PDE3A: variants seen among roughly 807,000 people sequenced by gnomAD.
PDE3A encodes the protein cGMP-inhibited 3',5'-cyclic phosphodiesterase 3A.
PDE3A carries 43 observed loss-of-function variants against 98.3 expected under a neutral mutation model. That is an observed-to-expected ratio of 0.44 (90% CI 0.34 to 0.56). PDE3A has a LOEUF of 0.56. Among genes scored for constraint, PDE3A ranks in the 20% least tolerant of loss-of-function variants. The pLI is 0.01. For missense variants in PDE3A, 1,427 were observed against 1,440.7 expected (o/e 0.99, Z 0.15); for synonymous variants, 663 against 567.9 (o/e 1.17, Z -2.38).
chr12:20,454,017 A>G (rs1451595550), intron 1 of PDE3A, among the ~76,000 whole-genome samples: 2 of 152,154 alleles, frequency 1.3e-5, no homozygotes, highest in African/African-American at 4.8e-5. Context: ...TTCAGAAGAA[A>G]ATTTGACATT....
At chr12:20,392,156 C>T (rs1943929028) in intron 1 of PDE3A, among the ~76,000 whole-genome samples, 1 of 151,922 alleles carries the variant, frequency 6.6e-6, no homozygotes, top group South Asian at 2.1e-4. Flanking sequence ...GTTAATACTA[C>T]ACTCCATTCA....
At chr12:20,487,223 T>C (rs1028729367) in intron 1 of PDE3A, among the ~76,000 whole-genome samples, 7 of 152,124 alleles carry the variant, frequency 4.6e-5, no homozygotes, top group African/African-American at 1.4e-4. Flanking sequence ...TTATGACTTA[T>C]ACAAATATGA....
At chr12:20,647,022 A>G (rs1213946395) in intron 12 of PDE3A, 72 bp downstream of exon 12, 1 of 1,056,610 alleles carries the variant, frequency 9.5e-7, no homozygotes, top group East Asian at 2.4e-5. Context: ...AGTGTGATTT[A>G]TAACAGGCAC....
At chr12:20,642,990 A>G (rs1405364430) in intron 10 of PDE3A, among the ~76,000 whole-genome samples, 1 of 152,170 alleles carries the variant, frequency 6.6e-6, no homozygotes, top group Non-Finnish European at 1.5e-5. Context: ...ATACCAGCTC[A>G]CTTCAACTCT....
intron 1 of PDE3A, among the ~76,000 whole-genome samples, chr12:20,442,212 T>C (rs867169786): frequency 1.3e-5 from 2 of 152,230 alleles, no homozygotes. Flanking sequence ...AATTATGTAA[T>C]GTATTTTTTA....
intron 2 of PDE3A, among the ~76,000 whole-genome samples, chr12:20,577,817 G>A (rs1442502462): frequency 6.6e-6 from 1 of 152,130 alleles, no homozygotes; most frequent in East Asian, 1.9e-4. Context: ...TACCAAACAC[G>A]GGACGGGCCA....
At chr12:20,545,690 C>A (rs1942032110) in intron 1 of PDE3A, among the ~76,000 whole-genome samples, 1 of 150,778 alleles carries the variant, frequency 6.6e-6, no homozygotes, top group African/African-American at 2.4e-5. Context: ...GAGAAAGATC[C>A]TGGAGGAAAA....
At chr12:20,474,479 A>G (rs146210099) in intron 1 of PDE3A, among the ~76,000 whole-genome samples, 97 of 152,320 alleles carry the variant, frequency 6.4e-4, no homozygotes, top group Non-Finnish European at 3.4e-4. Context: ...ATTACCGCAA[A>G]CTCAGTGGCT....
At chr12:20,644,858 CTCCCCCTCTTCCCCCTCTTCCTCT>C (rs1293376854) in intron 10 of PDE3A, among the ~76,000 whole-genome samples, 9 of 145,796 alleles carry the variant, frequency 6.2e-5, no homozygotes, top group Non-Finnish European at 1.4e-4. Context: ...CCTCCCCCTC[CTCCCCCTCTTCCCCCTCTTCCTCT>C]TCTTCCTTCT....
intron 1 of PDE3A, among the ~76,000 whole-genome samples, chr12:20,509,646 TA>T (rs1290094201): frequency 6.6e-6 from 1 of 152,152 alleles, no homozygotes; most frequent in African/African-American, 2.4e-5. Context: ...TTATAATGTC[TA>T]GCTCTGAAAT....
chr12:20,663,987 C>A (rs1945244642), intron 15 of PDE3A, among the ~76,000 whole-genome samples: 1 of 152,072 alleles, frequency 6.6e-6, no homozygotes, highest in African/African-American at 2.4e-5. Flanking sequence ...GTAATTGAAT[C>A]ATGGGGGTGG....
chr12:20,529,059 G>C (rs1244585498), intron 1 of PDE3A, among the ~76,000 whole-genome samples: 1 of 152,064 alleles, frequency 6.6e-6, no homozygotes, highest in African/African-American at 2.4e-5. Context: ...ATATGTTCTA[G>C]AATCATGAAA....
chr12:20,664,249 G>T (rs1334452393), intron 15 of PDE3A, among the ~76,000 whole-genome samples: 2 of 152,070 alleles, frequency 1.3e-5, no homozygotes, highest in African/African-American at 4.8e-5. Flanking sequence ...GCATGAGAAT[G>T]GACTAATACA....
intron 1 of PDE3A, among the ~76,000 whole-genome samples, chr12:20,444,050 A>G (rs1458335574): frequency 6.6e-6 from 1 of 152,174 alleles, no homozygotes; most frequent in East Asian, 1.9e-4. Context: ...GAGCTCTACA[A>G]TTATTGAGCA....
chr12:20,523,092 A>G (rs1327000144), intron 1 of PDE3A, among the ~76,000 whole-genome samples: 1 of 152,144 alleles, frequency 6.6e-6, no homozygotes, highest in Non-Finnish European at 1.5e-5. Flanking sequence ...GGCTAAAGAT[A>G]GTGAAAATTC....
intron 1 of PDE3A, among the ~76,000 whole-genome samples, chr12:20,409,887 A>T (rs1473727506): frequency 6.6e-6 from 1 of 152,206 alleles, no homozygotes; most frequent in African/African-American, 2.4e-5. Context: ...ACTAAAGGAA[A>T]ATTTAAATTC....
intron 6 of PDE3A, among the ~76,000 whole-genome samples, chr12:20,630,739 A>G (rs2121509742): frequency 6.6e-6 from 1 of 152,328 alleles, no homozygotes; most frequent in Admixed American, 6.5e-5. Flanking sequence ...CAATGTTGTC[A>G]CGAAGAAATA....
chr12:20,426,247 A>G lies in PDE3A; in HGVS notation c.960+56003A>G, dbSNP rs144889216. On this transcript the variant is annotated intron_variant, in intron 1 of 15. Coordinates refer to ENST00000359062, the MANE Select transcript of PDE3A (RefSeq NM_000921.5). Reference sequence around the variant, plus strand: ...AGTTCTCTGCTTGTTACTAGAGCTCATGGTTGCTGGCTCCGAATGAGAACT... The same window carrying G: ...AGTTCTCTGCTTGTTACTAGAGCTCGTGGTTGCTGGCTCCGAATGAGAACT... Among the ~76,000 whole-genome samples the G allele has an allele frequency of 6.4e-3, 979 of 152,268 alleles. 6 individuals carry two copies. Among genetic ancestry groups the G allele is most frequent in the African/African-American group, 0.023 (939 of 41,548 alleles).
chr12:20,611,455 T>C (rs933936557), intron 2 of PDE3A, among the ~76,000 whole-genome samples: 8 of 151,896 alleles, frequency 5.3e-5, no homozygotes, highest in Non-Finnish European at 7.4e-5. Flanking sequence ...GGTTCAACAC[T>C]TGAGCTATGG....
Sources: gnomAD v4.1 joint callset for allele counts (sites outside exome capture counted in the v4.1 genomes callset) on GRCh38, gnomAD v4.1.1 for gene constraint, MANE v1.5 for transcripts, NCBI Gene and HGNC (gene_info 2026-07-23, HGNC 2026-07-21) for gene names.